Variants in CNTN4 observed in about 807,000 individuals in gnomAD.
CNTN4 encodes the protein contactin 4, also known as contactin-4.
CNTN4 carries 77 observed loss-of-function variants against 122.5 expected under a neutral mutation model. The observed-to-expected ratio is 0.63, with a 90% CI of 0.52 to 0.76. CNTN4 has a LOEUF of 0.76. CNTN4 is among the 30% of genes least tolerant of loss of function. CNTN4 has a pLI of 0.00. For synonymous variants in CNTN4, 512 were observed against 447.0 expected, an observed-to-expected ratio of 1.15 and a Z score of -1.83; for missense variants, 1,256 against 1,259.1, an observed-to-expected ratio of 1.00 and a Z score of 0.04.
chr3:2,320,993 G>A (rs1262457064), intron 2 of CNTN4, among the ~76,000 whole-genome samples: 3 of 152,062 alleles, frequency 2.0e-5, no homozygotes, highest in African/African-American at 7.2e-5. Context: ...CCACCATTAG[G>A]ATCTCATGGG....
chr3:2,276,113 T>G (rs1225153523), intron 2 of CNTN4, among the ~76,000 whole-genome samples: 1 of 152,086 alleles, frequency 6.6e-6, no homozygotes, highest in Non-Finnish European at 1.5e-5. Context: ...TCATGTCATA[T>G]CTTTTTAACA....
chr3:2,186,489 C>G (rs1165729831), intron 2 of CNTN4, among the ~76,000 whole-genome samples: 1 of 152,188 alleles, frequency 6.6e-6, no homozygotes, highest in Non-Finnish European at 1.5e-5. Flanking sequence ...AGTTCTAGAT[C>G]CTTGAGGAAT....
intron 2 of CNTN4, among the ~76,000 whole-genome samples, chr3:2,298,518 C>T (rs2042391241): frequency 6.6e-6 from 1 of 152,014 alleles, no homozygotes; most frequent in African/African-American, 2.4e-5. Context: ...TCTTCTGTCC[C>T]CCGACTCTTG....
chr3:2,370,824 T>C (rs1424202294), intron 3 of CNTN4, among the ~76,000 whole-genome samples: 1 of 152,158 alleles, frequency 6.6e-6, no homozygotes, highest in African/African-American at 2.4e-5. Flanking sequence ...GTTTTCCAAA[T>C]TACATGGTGC....
At chr3:2,306,472 G>T (rs2042708455) in intron 2 of CNTN4, among the ~76,000 whole-genome samples, 1 of 151,960 alleles carries the variant, frequency 6.6e-6, no homozygotes, top group South Asian at 2.1e-4. Flanking sequence ...TCAAATTTTT[G>T]TCTATTTTTT....
At chr3:2,108,635 G>T (rs2032674440) in intron 2 of CNTN4, among the ~76,000 whole-genome samples, 1 of 152,160 alleles carries the variant, frequency 6.6e-6, no homozygotes, top group African/African-American at 2.4e-5. Flanking sequence ...TTGTGTGATT[G>T]TGAGCAAGTG....
intron 2 of CNTN4, among the ~76,000 whole-genome samples, chr3:2,276,000 G>A (rs371149802): frequency 6.6e-6 from 1 of 150,762 alleles, no homozygotes; most frequent in Non-Finnish European, 1.5e-5. Context: ...TAAAATCATT[G>A]GTAATTCTAA....
chr3:2,779,677 G>T (rs1415399880), intron 6 of CNTN4, among the ~76,000 whole-genome samples: 2 of 152,108 alleles, frequency 1.3e-5, no homozygotes, highest in African/African-American at 2.4e-5. Flanking sequence ...GTTCCCTTCT[G>T]AATATTAAAA....
intron 4 of CNTN4, among the ~76,000 whole-genome samples, chr3:2,621,929 T>C (rs1051307106): frequency 6.6e-6 from 1 of 152,186 alleles, no homozygotes; most frequent in African/African-American, 2.4e-5. Flanking sequence ...CAGACCATTA[T>C]GTGCTGTCAT....
At position 2,468,523 on chromosome 3, in the gene CNTN4, G is replaced by C. The variant is rs182495619; in HGVS notation, c.-88-102893G>C. On this transcript the variant is annotated intron_variant, in intron 3 of 24. Coordinates refer to ENST00000418658, the MANE Select transcript of CNTN4 (RefSeq NM_175607.3). The stretch of plus-strand genomic sequence containing the variant: ...GAAATGCAGAGTCTTACGGTAGGCT[G>C]TTGTGTCTGGGATCTACAGAGAAGA... Among the ~76,000 whole-genome samples the C allele has an allele frequency of 3.0e-3, 463 of 152,280 alleles. 2 individuals carry two copies. The highest frequency in any genetic ancestry group is 0.011 in the African/African-American group (446 of 41,552).
intron 14 of CNTN4, among the ~76,000 whole-genome samples, chr3:3,000,184 A>T (rs1052267668): frequency 4.0e-5 from 6 of 148,318 alleles, no homozygotes; most frequent in African/African-American, 9.9e-5. Flanking sequence ...TATACTCTTT[A>T]AAAAAAAAAT....
intron 4 of CNTN4, among the ~76,000 whole-genome samples, chr3:2,632,212 A>C (rs966195460): frequency 6.6e-6 from 1 of 152,124 alleles, no homozygotes; most frequent in African/African-American, 2.4e-5. Flanking sequence ...CATCTGGTAC[A>C]TTTTCTACCT....
intron 4 of CNTN4, among the ~76,000 whole-genome samples, chr3:2,593,909 A>C (rs71311714): frequency 0.1 from 15,888 of 152,218 alleles, 1,093 homozygotes; most frequent in Non-Finnish European, 0.15. Context: ...ATATTTATAT[A>C]AAATCATATA....
In CNTN4 at chr3:2,730,118, T is replaced by C. The variant is rs1287424318; in HGVS notation, c.56-6097T>C. Among the ~76,000 whole-genome samples, 52 of 152,140 alleles carry C rather than the reference T, an allele frequency of 3.4e-4. 2 individuals are homozygous for C. The highest frequency in any genetic ancestry group is 3.4e-3 in the Admixed American group (52 of 15,280). On this transcript the variant is annotated intron_variant, in intron 4 of 24. Transcript: ENST00000418658. The stretch of plus-strand genomic sequence containing the variant: ...TTGAGACTGGAGGTGTTTCAGACTT[T>C]GGTTTTTTGTGGGGGGTGGCAGTGG...
intron 2 of CNTN4, among the ~76,000 whole-genome samples, chr3:2,186,909 T>G (rs80286639): frequency 0.76 from 115,475 of 152,126 alleles, 44,193 homozygotes; most frequent in South Asian, 0.83. Flanking sequence ...TTCTTTTGCT[T>G]TGCAGAAGCT....
intron 4 of CNTN4, among the ~76,000 whole-genome samples, chr3:2,667,052 T>C (rs1017381072): frequency 6.6e-6 from 1 of 152,104 alleles, no homozygotes; most frequent in Non-Finnish European, 1.5e-5. Flanking sequence ...AATAAACATA[T>C]GTGTGCATGT....
intron 2 of CNTN4, among the ~76,000 whole-genome samples, chr3:2,166,197 G>C (rs1308650132): frequency 6.6e-6 from 1 of 151,930 alleles, no homozygotes; most frequent in Non-Finnish European, 1.5e-5. Context: ...AGTGTTTAAG[G>C]GCTTCGTTTT....
chr3:2,372,366 CA>C (rs1355624864), intron 3 of CNTN4, among the ~76,000 whole-genome samples: 2 of 152,132 alleles, frequency 1.3e-5, no homozygotes, highest in African/African-American at 4.8e-5. Flanking sequence ...ATGTAGAATC[CA>C]AAGGGCAATA....
intron 6 of CNTN4, among the ~76,000 whole-genome samples, chr3:2,762,755 G>T (rs1437872445): frequency 3.3e-5 from 5 of 152,048 alleles, no homozygotes; most frequent in Non-Finnish European, 1.5e-5. Context: ...TCGCCACACT[G>T]TCTTCCACAA....
Sources: gnomAD v4.1 joint callset for allele counts (sites outside exome capture counted in the v4.1 genomes callset) on GRCh38, gnomAD v4.1.1 for gene constraint, MANE v1.5 for transcripts, NCBI Gene and HGNC (gene_info 2026-07-23, HGNC 2026-07-21) for gene names.